Variants in PRKN observed in about 807,000 individuals in gnomAD.
PRKN encodes E3 ubiquitin-protein ligase parkin.
PRKN carries 56 observed loss-of-function variants against 59.5 expected under a neutral mutation model. That is an observed-to-expected ratio of 0.94 (90% CI 0.76 to 1.18). The LOEUF is 1.18. Ranked by LOEUF, PRKN falls within the 50% of genes most tolerant of loss-of-function variation. The pLI is 0.00. For synonymous variants in PRKN, 250 were observed against 222.1 expected (o/e 1.13, Z -1.12); for missense variants, 657 against 596.4 (o/e 1.10, Z -1.06).
rs187926891 is a variant in PRKN at position 161,728,129 on chromosome 6, A to G, written c.871+57643T>C. Among the ~76,000 whole-genome samples, 313 of 152,282 alleles carry G rather than the reference A, an allele frequency of 2.1e-3. 2 individuals carry two copies. The highest frequency in any genetic ancestry group is 7.2e-3 in the African/African-American group (298 of 41,558). On this transcript the variant is annotated intron_variant, in intron 7 of 11. Transcript: ENST00000366898. ...CTTTGACAATACTTTGCATGGGCTA[A>G]AAGATGCTGGGAAAGTTTTTGACAA...
chr6:162,187,210 C>T (rs527395177), intron 4 of PRKN, among the ~76,000 whole-genome samples: 1 of 152,116 alleles, frequency 6.6e-6, no homozygotes, highest in African/African-American at 2.4e-5. Flanking sequence ...CAGTGAAAAA[C>T]CAGCAGCTGA....
intron 2 of PRKN, among the ~76,000 whole-genome samples, chr6:162,386,874 G>A (rs1311640727): frequency 6.6e-6 from 1 of 152,072 alleles, no homozygotes; most frequent in Admixed American, 6.6e-5. Flanking sequence ...CTAAGCAGAC[G>A]CAGAAGTCAC....
chr6:161,713,962 T>C (rs2315551), intron 7 of PRKN, among the ~76,000 whole-genome samples: 82,957 of 151,940 alleles, frequency 0.55, 23,475 homozygotes, highest in Admixed American at 0.69. Flanking sequence ...GAAAGATATG[T>C]CTTTGCTCCT....
intron 4 of PRKN, among the ~76,000 whole-genome samples, chr6:162,083,050 G>A (rs879648460): frequency 3.3e-5 from 5 of 152,014 alleles, no homozygotes; most frequent in Non-Finnish European, 4.4e-5. Context: ...TGCCTCCCAG[G>A]TTCAAGGGAT....
At chr6:162,231,236 AC>A (rs1384139217) in intron 3 of PRKN, among the ~76,000 whole-genome samples, 1 of 152,102 alleles carries the variant, frequency 6.6e-6, no homozygotes, top group Non-Finnish European at 1.5e-5. Context: ...CCTCCTGATC[AC>A]CCTCCATGTA....
rs1790308014 is a variant in PRKN at position 161,463,394 on chromosome 6, A to G, written c.1084-76517T>C. On this transcript the variant is annotated intron_variant, in intron 9 of 11. Coordinates refer to ENST00000366898, the MANE Select transcript of PRKN (RefSeq NM_004562.3). This position sits in a 1 kb window ranked among gnomAD's most constrained non-coding sequence, Gnocchi z 4.8. The stretch of plus-strand genomic sequence containing the variant: ...CTTGAATCATGTTTTCCAGAGGTCA[A>G]CTGAGTCTAAGAAGACATTAAAAAT... Among the ~76,000 whole-genome samples the G allele has an allele frequency of 6.6e-6, 1 of 152,214 alleles. No individual in the cohort carries two copies. The highest frequency in any genetic ancestry group is 1.5e-5 in the Non-Finnish European group (1 of 68,040).
chr6:161,849,377 A>G (rs978866691), intron 6 of PRKN, among the ~76,000 whole-genome samples: 22 of 152,082 alleles, frequency 1.4e-4, no homozygotes, highest in African/African-American at 5.3e-4. Context: ...TTCTACTTGC[A>G]ATTTTCTGAT....
intron 6 of PRKN, among the ~76,000 whole-genome samples, chr6:161,898,293 T>C (rs1295443130): frequency 6.6e-6 from 1 of 152,178 alleles, no homozygotes; most frequent in African/African-American, 2.4e-5. Flanking sequence ...TAAAGTTTCA[T>C]GAGGAGTCCT....
intron 7 of PRKN, among the ~76,000 whole-genome samples, chr6:161,696,867 C>T (rs750225768): frequency 6.6e-6 from 1 of 152,158 alleles, no homozygotes; most frequent in Non-Finnish European, 1.5e-5. Context: ...TACTAAGCAT[C>T]CAACTTCCCG....
intron 7 of PRKN, among the ~76,000 whole-genome samples, chr6:161,663,801 C>G (rs1041681917): frequency 3.9e-5 from 6 of 152,200 alleles, no homozygotes; most frequent in Non-Finnish European, 7.3e-5. Context: ...TCCTATGATT[C>G]TCTAAGCTCC....
chr6:162,242,001 A>G lies in PRKN; in HGVS notation c.412+20524T>C, dbSNP rs373431111. ...TTCAAACTACTTTATTTATTCAATT[A>G]CAACACATTCCATGGATAATTCTAA... is the stretch of plus-strand genomic sequence containing the variant. On this transcript the variant is annotated intron_variant, in intron 3 of 11. Transcript: ENST00000366898. 7.9e-5 allele frequency among the ~76,000 whole-genome samples: 12 copies of G among 152,256 alleles called. No homozygotes were observed. In the East Asian group the frequency reaches 1.4e-3, roughly 17 times the overall value.
intron 4 of PRKN, among the ~76,000 whole-genome samples, chr6:162,072,613 T>C (rs903947157): frequency 1.3e-5 from 2 of 152,222 alleles, no homozygotes; most frequent in Admixed American, 6.5e-5. Context: ...CACAATTCAA[T>C]TGTAATATAC....
At chr6:162,704,549 T>C (rs1778272139) in intron 1 of PRKN, among the ~76,000 whole-genome samples, 2 of 152,246 alleles carry the variant, frequency 1.3e-5, no homozygotes, top group South Asian at 4.1e-4. Flanking sequence ...TGCCTTAAAA[T>C]GTCTTTAGCA....
intron 1 of PRKN, among the ~76,000 whole-genome samples, chr6:162,694,160 T>C (rs953111994): frequency 8.0e-5 from 11 of 136,720 alleles, no homozygotes; most frequent in African/African-American, 2.5e-4. Flanking sequence ...GGCAGGAGAA[T>C]GGTGTGAATC....
chr6:161,757,840 T>TCCATCTCTCTCC (rs1273935807), intron 7 of PRKN, among the ~76,000 whole-genome samples: 1 of 100,142 alleles, frequency 1.0e-5, no homozygotes. Flanking sequence ...TCCATCTCTC[T>TCCATCTCTCTCC]CTCTCTCTCT....
chr6:162,703,889 A>C (rs987492391), intron 1 of PRKN, among the ~76,000 whole-genome samples: 7 of 152,172 alleles, frequency 4.6e-5, no homozygotes, highest in Non-Finnish European at 2.9e-5. Flanking sequence ...TATATTTGGG[A>C]GTCAACTAAA....
At chr6:161,904,141 G>A (rs373590266) in intron 6 of PRKN, among the ~76,000 whole-genome samples, 4 of 151,984 alleles carry the variant, frequency 2.6e-5, no homozygotes, top group African/African-American at 9.6e-5. Flanking sequence ...GGTTGTCTTG[G>A]AGCCCAACAA....
chr6:162,227,353 T>A (rs1269807380), intron 3 of PRKN, among the ~76,000 whole-genome samples: 1 of 152,228 alleles, frequency 6.6e-6, no homozygotes, highest in Non-Finnish European at 1.5e-5. Flanking sequence ...TATCTTGCTT[T>A]TCATTATCTG....
At position 161,426,232 on chromosome 6, in the gene PRKN, G is replaced by C. The variant is rs1161564945; in HGVS notation, c.1084-39355C>G. ...AAGGGGCGTGCTGAAGTACCTCAGG[G>C]ATATGATTCTATGCTATTGTGATGG... On this transcript the variant is annotated intron_variant, in intron 9 of 11. Transcript: ENST00000366898. 2.0e-5 allele frequency among the ~76,000 whole-genome samples: 3 copies of C among 152,190 alleles called. No homozygotes were observed. In the East Asian group the frequency reaches 5.8e-4, roughly 29 times the overall value.
Sources: gnomAD v4.1 joint callset for allele counts (sites outside exome capture counted in the v4.1 genomes callset) on GRCh38, gnomAD v4.1.1 for gene constraint, Gnocchi (gnomAD v3.1) non-coding constraint, MANE v1.5 for transcripts, NCBI Gene and HGNC (gene_info 2026-07-23, HGNC 2026-07-21) for gene names.